The following INSYN2B variants were observed in gnomAD, a reference collection of about 807,000 sequenced individuals.
INSYN2B encodes protein INSYN2B.
INSYN2B carries 16 observed loss-of-function variants against 41.2 expected under a neutral mutation model. The ratio of observed to expected loss-of-function variants is 0.39; its 90% confidence interval spans 0.26 to 0.59. The LOEUF is 0.59. INSYN2B is among the 20% of genes least tolerant of loss of function. The pLI is 0.57. For synonymous variants in INSYN2B, 245 were observed against 244.4 expected (o/e 1.00, Z -0.02); for missense variants, 608 against 646.4 (o/e 0.94, Z 0.64).
Position 169,883,540 on chromosome 5 carries a change from G to T in INSYN2B, c.359C>A (p.Ser120Tyr). 1.9e-6 allele frequency: 3 copies of T among 1,551,664 alleles called. No homozygotes were observed. In the African/African-American group the frequency reaches 4.1e-5, roughly 21 times the overall value. Residue 120 changes from serine to tyrosine, a missense_variant, in exon 2 of 4, where the codon TCC becomes TAC. Coordinates refer to ENST00000377365, the MANE Select transcript of INSYN2B (RefSeq NM_001129891.3). Reference protein sequence around the residue: ...FKRKRLTASKSLVEMPTASQS... With the variant: ...FKRKRLTASKYLVEMPTASQS... Reference sequence around the variant, plus strand: ...GGAGGCTGTTGGCATTTCCACCAGGGACTTACTGGCTGTGAGTCTCTTCCT... The same window carrying T: ...GGAGGCTGTTGGCATTTCCACCAGGTACTTACTGGCTGTGAGTCTCTTCCT...
At chr5:169,948,653 C>G (rs1224022249) in intron 1 of INSYN2B, among the ~76,000 whole-genome samples, 3 of 148,122 alleles carry the variant, frequency 2.0e-5, no homozygotes, top group Non-Finnish European at 4.5e-5. Context: ...TTGCTCTGTT[C>G]CCCAGGCTGG....
chr5:169,876,643 A>G (rs908370014), intron 3 of INSYN2B, among the ~76,000 whole-genome samples: 1 of 152,254 alleles, frequency 6.6e-6, no homozygotes, highest in Non-Finnish European at 1.5e-5. Flanking sequence ...GTGGCATTCC[A>G]GTTATTTTGA....
At position 169,882,868 on chromosome 5, in the gene INSYN2B, G is replaced by T; in HGVS notation, c.1031C>A (p.Thr344Asn). 1 of 1,551,522 alleles carries T rather than the reference G, an allele frequency of 6.4e-7. No homozygotes were observed. Among genetic ancestry groups the T allele is most frequent in the East Asian group, 2.4e-5 (1 of 40,898 alleles). ...AGGGGCAGATTTCGATGCACTGTTA[G>T]TTTTGAGTGACACCAGATTCTGGTG... ...NNHQNLVSLKTNSASKSAPGC... is the reference protein window; with the variant it reads ...NNHQNLVSLKNNSASKSAPGC... The change falls in exon 2 of 4, where the codon ACT becomes AAT. Residue 344 changes from threonine to asparagine, a missense_variant. Transcript: ENST00000377365.
chr5:169,900,639 T>C (rs2113576908), intron 1 of INSYN2B, among the ~76,000 whole-genome samples: 1 of 152,326 alleles, frequency 6.6e-6, no homozygotes, highest in South Asian at 2.1e-4. Flanking sequence ...CTACTTCTAA[T>C]TAGAAGCTTC....
Position 169,938,930 on chromosome 5 carries a change from G to T in INSYN2B, c.-919+41347C>A, listed in dbSNP as rs190828027. 5.2e-3 allele frequency among the ~76,000 whole-genome samples: 762 copies of T among 147,524 alleles called. 3 individuals are homozygous for T. The highest frequency in any genetic ancestry group is 0.017 in the African/African-American group (675 of 39,974). ...CTTTTCTTTTTTTTTTTGAAATGGA[G>T]TCTTGCTCTGTCGCCCAGGCTGGAG... On this transcript the variant is annotated intron_variant, in intron 1 of 3. Transcript: ENST00000377365.
At chr5:169,908,922 A>G (rs1774444699) in intron 1 of INSYN2B, among the ~76,000 whole-genome samples, 1 of 152,086 alleles carries the variant, frequency 6.6e-6, no homozygotes, top group Admixed American at 6.5e-5. Context: ...CATTTTGCAG[A>G]TGAGAAAACA....
At chr5:169,964,609 G>A (rs1304563919) in intron 1 of INSYN2B, among the ~76,000 whole-genome samples, 1 of 152,206 alleles carries the variant, frequency 6.6e-6, no homozygotes, top group Non-Finnish European at 1.5e-5. Flanking sequence ...CCTTGAAGGG[G>A]CCATGGTCAA....
At chr5:169,905,783 G>C (rs563414898) in intron 1 of INSYN2B, among the ~76,000 whole-genome samples, 1 of 152,178 alleles carries the variant, frequency 6.6e-6, no homozygotes, top group Non-Finnish European at 1.5e-5. Flanking sequence ...AGCTGCGATT[G>C]GTCCTCTGTC....
chr5:169,979,562 A>G (rs945340438), intron 1 of INSYN2B, among the ~76,000 whole-genome samples: 8 of 152,218 alleles, frequency 5.3e-5, no homozygotes, highest in African/African-American at 7.2e-5. Context: ...CAGGTTATCA[A>G]TCATTCACAT....
intron 1 of INSYN2B, among the ~76,000 whole-genome samples, chr5:169,963,649 T>G (rs577671935): frequency 6.6e-6 from 1 of 152,250 alleles, no homozygotes; most frequent in South Asian, 2.1e-4. Flanking sequence ...ACCCAGAATG[T>G]TAACCCACCC....
rs1324168138 is a variant in INSYN2B at position 169,881,445 on chromosome 5, G to A, written c.1347-3C>T. ...GGCCAGTTCGATAAAAGTTGCGCCT[G>A]CAAGACAGAGCATTTGCTGGATAAA... On this transcript the variant is annotated splice_region_variant and splice_polypyrimidine_tract_variant and intron_variant, in intron 2 of 3. Coordinates refer to ENST00000377365, the MANE Select transcript of INSYN2B (RefSeq NM_001129891.3). The A allele has an allele frequency of 3.2e-6, 5 of 1,551,154 alleles. No homozygotes were observed. The highest frequency in any genetic ancestry group is 4.4e-6 in the Non-Finnish European group (5 of 1,146,566).
chr5:169,958,877 A>G (rs1280084851), intron 1 of INSYN2B, among the ~76,000 whole-genome samples: 1 of 152,132 alleles, frequency 6.6e-6, no homozygotes, highest in Non-Finnish European at 1.5e-5. Flanking sequence ...AGTGGGGGAA[A>G]AACCTAGTAC....
intron 1 of INSYN2B, among the ~76,000 whole-genome samples, chr5:169,911,449 G>C (rs1359747743): frequency 1.3e-5 from 2 of 152,156 alleles, no homozygotes; most frequent in Non-Finnish European, 2.9e-5. Flanking sequence ...ACATAAGATT[G>C]CCCTCCATGT....
chr5:169,915,414 G>T (rs1391765454), intron 1 of INSYN2B, among the ~76,000 whole-genome samples: 2 of 152,086 alleles, frequency 1.3e-5, no homozygotes, highest in African/African-American at 4.8e-5. Context: ...CCATTTTGCT[G>T]GTGGAAAACT....
chr5:169,908,759 G>C (rs1581399326), intron 1 of INSYN2B, among the ~76,000 whole-genome samples: 1 of 142,500 alleles, frequency 7.0e-6, no homozygotes, highest in East Asian at 2.0e-4. Flanking sequence ...CTGTCGCCCA[G>C]GATAGAGTGC....
intron 1 of INSYN2B, among the ~76,000 whole-genome samples, chr5:169,923,225 A>G (rs1283570338): frequency 3.3e-5 from 5 of 152,078 alleles, no homozygotes; most frequent in Non-Finnish European, 5.9e-5. Flanking sequence ...AGGGTGATTC[A>G]GATTGAGATG....
intron 1 of INSYN2B, among the ~76,000 whole-genome samples, chr5:169,974,279 A>G (rs35690190): frequency 0.24 from 35,834 of 152,200 alleles, 4,749 homozygotes; most frequent in Non-Finnish European, 0.31. Context: ...CTTGACCCAT[A>G]GTAAGTATCC....
rs1009767857 is a variant in INSYN2B at position 169,901,413 on chromosome 5, C to T, written c.-918-16597G>A. Among the ~76,000 whole-genome samples, 13 of 151,860 alleles carry T rather than the reference C, an allele frequency of 8.6e-5. No homozygotes were observed. In the East Asian group the frequency reaches 1.5e-3, roughly 18 times the overall value. On this transcript the variant is annotated intron_variant, in intron 1 of 3. Coordinates refer to ENST00000377365, the MANE Select transcript of INSYN2B (RefSeq NM_001129891.3). ...AAACAGAATGACTTCAAGAGGTTTA[C>T]GAAGGGTGTGTGTGTGTGTGGGCAT...
intron 1 of INSYN2B, among the ~76,000 whole-genome samples, chr5:169,971,071 C>G (rs947637559): frequency 8.6e-5 from 13 of 151,814 alleles, no homozygotes; most frequent in Admixed American, 7.9e-4. Flanking sequence ...AGTCAGCAGG[C>G]AGCTAATGCG....
Sources: allele counts gnomAD v4.1 joint callset (sites outside exome capture counted in the v4.1 genomes callset), GRCh38; gene constraint gnomAD v4.1.1; transcripts MANE v1.5; gene names NCBI Gene and HGNC (gene_info 2026-07-23, HGNC 2026-07-21).